RALGAPA1: variants seen among roughly 807,000 people sequenced by gnomAD.
The protein encoded by RALGAPA1 is Ral GTPase activating protein catalytic subunit alpha 1, also known as ral GTPase-activating protein subunit alpha-1.
In RALGAPA1, 52 loss-of-function variants were observed where a neutral mutation model predicts 269.6. The ratio of observed to expected loss-of-function variants is 0.19; its 90% CI spans 0.15 to 0.24. RALGAPA1 has a LOEUF of 0.24. Ranked by LOEUF, RALGAPA1 falls within the 10% of genes least tolerant of loss-of-function variation. The probability of loss-of-function intolerance (pLI) is 1.00; values close to 1 mark genes in which losing one functional copy is unlikely to be tolerated. For missense variants in RALGAPA1, 1,917 were observed against 3,013.9 expected (o/e 0.64, Z 8.52); for synonymous variants, 817 against 1,008.3 (o/e 0.81, Z 3.60).
At chr14:35,630,919 A>G (rs578069535) in intron 33 of RALGAPA1, among the ~76,000 whole-genome samples, 2 of 152,146 alleles carry the variant, frequency 1.3e-5, no homozygotes, top group Non-Finnish European at 2.9e-5. Flanking sequence ...AATTATATTG[A>G]AATTTTTAAA....
At chr14:35,704,766 T>C (rs2067658588) in intron 16 of RALGAPA1, among the ~76,000 whole-genome samples, 1 of 151,988 alleles carries the variant, frequency 6.6e-6, no homozygotes, top group Admixed American at 6.6e-5. Flanking sequence ...TTCAAAGTCA[T>C]AGGAAAAAAT....
At chr14:35,719,909 C>T (rs146258453) in intron 16 of RALGAPA1, among the ~76,000 whole-genome samples, 5,985 of 152,086 alleles carry the variant, frequency 0.039, 361 homozygotes, top group African/African-American at 0.12. Context: ...TGCCACCATG[C>T]CTGGCTAATT....
chr14:35,629,921 T>C (rs1594888748), intron 33 of RALGAPA1, among the ~76,000 whole-genome samples: 2 of 152,088 alleles, frequency 1.3e-5, no homozygotes, highest in South Asian at 4.1e-4. Context: ...AAAAATTCCC[T>C]CATCAAAAAA....
At chr14:35,662,369 T>C (rs78156034) in intron 27 of RALGAPA1, among the ~76,000 whole-genome samples, 1,659 of 152,288 alleles carry the variant, frequency 0.011, 32 homozygotes, top group African/African-American at 0.038. Context: ...CTGTAGTTTA[T>C]AGAGTATATG....
At chr14:35,595,811 AT>A (rs764866651) in intron 36 of RALGAPA1, 22 bp from the exon 37 acceptor site, 2 of 1,596,932 alleles carry the variant, frequency 1.3e-6, no homozygotes, top group African/African-American at 2.7e-5. Context: ...GAAGAGTCAC[AT>A]AAATTAATTA....
At chr14:35,643,352 A>C (rs1326599698) in intron 31 of RALGAPA1, among the ~76,000 whole-genome samples, 1 of 152,098 alleles carries the variant, frequency 6.6e-6, no homozygotes, top group African/African-American at 2.4e-5. Flanking sequence ...AAATAAATAA[A>C]ATAAAATGGG....
At chr14:35,563,535 G>A (rs1259604866) in intron 39 of RALGAPA1, among the ~76,000 whole-genome samples, 3 of 152,072 alleles carry the variant, frequency 2.0e-5, no homozygotes, top group East Asian at 3.9e-4. Flanking sequence ...GGTAGGGAGG[G>A]TAAGGTAAAA....
chr14:35,597,435 A>G (rs2058997066), intron 36 of RALGAPA1, among the ~76,000 whole-genome samples: 1 of 152,296 alleles, frequency 6.6e-6, no homozygotes, highest in South Asian at 2.1e-4. Flanking sequence ...TGATAATGTA[A>G]AGGAGAAAGT....
Position 35,562,913 on chromosome 14 carries a change from C to T in RALGAPA1, c.7496+7704G>A, listed in dbSNP as rs558315452. Among the ~76,000 whole-genome samples, 200 of 148,066 alleles carry T rather than the reference C, an allele frequency of 1.4e-3. 1 individual carries two copies. The highest frequency in any genetic ancestry group is 4.9e-3 in the African/African-American group (197 of 40,366). On this transcript the variant is annotated intron_variant, in intron 39 of 41. Coordinates refer to ENST00000680220, the MANE Select transcript of RALGAPA1 (RefSeq NM_001346249.2). ...GCATGCACCTGTAGTCCCAGCGACTCGGGAGGCTGAGGCAGGAGAACTGCT... is the reference window on the plus strand; with the variant it reads ...GCATGCACCTGTAGTCCCAGCGACTTGGGAGGCTGAGGCAGGAGAACTGCT...
intron 12 of RALGAPA1, among the ~76,000 whole-genome samples, chr14:35,733,955 A>C (rs1023870489): frequency 1.3e-5 from 2 of 151,888 alleles, no homozygotes; most frequent in African/African-American, 2.4e-5. Context: ...ATAAACAAAT[A>C]AATAAATAAA....
intron 35 of RALGAPA1, among the ~76,000 whole-genome samples, chr14:35,611,234 G>C (rs1245068838): frequency 6.6e-6 from 1 of 152,032 alleles, no homozygotes; most frequent in Non-Finnish European, 1.5e-5. Flanking sequence ...GGTGGTTCAT[G>C]CCTATAATCC....
chr14:35,802,493 T>C (rs1258170962), intron 1 of RALGAPA1, among the ~76,000 whole-genome samples: 3 of 152,094 alleles, frequency 2.0e-5, no homozygotes, highest in Non-Finnish European at 2.9e-5. Flanking sequence ...GTATAAGACC[T>C]GCACACTGAA....
intron 33 of RALGAPA1, among the ~76,000 whole-genome samples, chr14:35,634,101 A>G (rs532283998): frequency 9.2e-5 from 14 of 152,134 alleles, no homozygotes; most frequent in Admixed American, 2.0e-4. Context: ...AAATTCCATT[A>G]TATATAAAAT....
intron 27 of RALGAPA1, 41 bp from the exon 28 acceptor site, chr14:35,659,237 T>C: frequency 1.4e-6 from 2 of 1,407,108 alleles, no homozygotes; most frequent in Non-Finnish European, 2.0e-6. Flanking sequence ...TGACTGAGAT[T>C]TCACTCATTC....
chr14:35,655,667 G>C, intron 29 of RALGAPA1, 140 bp downstream of exon 29: 1 of 1,237,066 alleles, frequency 8.1e-7, no homozygotes, highest in Non-Finnish European at 1.1e-6. Context: ...TTTAAGGAAT[G>C]AGTCAGGATC....
chr14:35,541,633 C>T, intron 41 of RALGAPA1: 1 of 433,728 alleles, frequency 2.3e-6, no homozygotes, highest in Non-Finnish European at 4.6e-6. Context: ...TAGGGAAGCA[C>T]TGCAGATGGA....
chr14:35,696,125 C>T (rs1390436438), intron 17 of RALGAPA1, among the ~76,000 whole-genome samples: 1 of 152,160 alleles, frequency 6.6e-6, no homozygotes, highest in African/African-American at 2.4e-5. Context: ...GGTGTGGTGG[C>T]TCACGCCTGT....
chr14:35,665,152 T>C (rs1330819429), intron 26 of RALGAPA1, among the ~76,000 whole-genome samples: 1 of 152,208 alleles, frequency 6.6e-6, no homozygotes, highest in East Asian at 1.9e-4. Context: ...TTATATTTAT[T>C]ACCAAGGATG....
At chr14:35,614,051 C>T (rs867162393) in intron 35 of RALGAPA1, among the ~76,000 whole-genome samples, 12 of 151,940 alleles carry the variant, frequency 7.9e-5, no homozygotes, top group South Asian at 2.1e-4. Flanking sequence ...TCCACTAAGA[C>T]GAGTATAATA....
Sources: allele counts gnomAD v4.1 joint callset (sites outside exome capture counted in the v4.1 genomes callset), GRCh38; gene constraint gnomAD v4.1.1; transcripts MANE v1.5; gene names NCBI Gene and HGNC (gene_info 2026-07-23, HGNC 2026-07-21).